Variants in PSMD4 observed in about 807,000 individuals in gnomAD.
The protein encoded by PSMD4 is 26S proteasome non-ATPase regulatory subunit 4.
In PSMD4, 5 loss-of-function variants were observed where a neutral mutation model predicts 39.7. The ratio of observed to expected loss-of-function variants is 0.13; its 90% CI spans 0.07 to 0.26. The LOEUF is 0.26. Among genes scored for constraint, PSMD4 ranks in the 10% least tolerant of loss-of-function variants. PSMD4 has a pLI of 1.00. For synonymous variants in PSMD4, 143 were observed against 174.6 expected (o/e 0.82, Z 1.43); for missense variants, 272 against 486.1 (o/e 0.56, Z 4.14).
chr1:151,267,087 C>T, intron 9 of PSMD4, 86 bp from the exon 10 acceptor site: 2 of 1,514,034 alleles, frequency 1.3e-6, no homozygotes, highest in African/African-American at 1.4e-5. Context: ...CAGGGGGCCT[C>T]TGGCAGCGGC....
chr1:151,265,119 C>T (rs753091565), intron 4 of PSMD4, 47 bp from the exon 5 acceptor site: 8 of 1,534,860 alleles, frequency 5.2e-6, no homozygotes, highest in South Asian at 1.2e-5. Flanking sequence ...CCTTTCCCCC[C>T]CTCGAGTATG....
intron 4 of PSMD4, 75 bp from the exon 5 acceptor site, chr1:151,265,091 T>C: frequency 7.2e-7 from 1 of 1,380,086 alleles, no homozygotes; most frequent in East Asian, 2.4e-5. Context: ...GATTTCTGTA[T>C]GCTTTTATGC....
chr1:151,260,355 G>T (rs958553942), intron 1 of PSMD4, among the ~76,000 whole-genome samples: 6 of 152,088 alleles, frequency 3.9e-5, no homozygotes, highest in African/African-American at 1.4e-4. Context: ...TCACTTACCT[G>T]CCTTCTTCTG....
intron 1 of PSMD4, among the ~76,000 whole-genome samples, chr1:151,261,189 T>C (rs1216183340): frequency 1.3e-5 from 2 of 148,692 alleles, no homozygotes; most frequent in Non-Finnish European, 3.0e-5. Flanking sequence ...TCTTTTTTTT[T>C]TTTTTTTTTT....
intron 1 of PSMD4, among the ~76,000 whole-genome samples, chr1:151,259,970 G>C (rs980840876): frequency 6.6e-6 from 1 of 152,056 alleles, no homozygotes; most frequent in Non-Finnish European, 1.5e-5. Context: ...AGATTGAGGT[G>C]GGTGGATCAC....
rs1245982303 is a variant in PSMD4, at chr1:151,256,700, G to A, written c.26+1892G>A. Among the ~76,000 whole-genome samples, 2 of 149,896 alleles carry A rather than the reference G, an allele frequency of 1.3e-5. 1 individual carries two copies. The highest frequency in any genetic ancestry group is 4.9e-5 in the African/African-American group (2 of 40,690). ...GATCCACCCGCCTCAGCCTCCCAAA[G>A]TGCAGGGATTACAGGCGTTGAGCCA... On this transcript the variant is annotated intron_variant, in intron 1 of 9. Coordinates refer to ENST00000368884, the MANE Select transcript of PSMD4 (RefSeq NM_002810.4).
chr1:151,259,833 G>A (rs587735790), intron 1 of PSMD4, among the ~76,000 whole-genome samples: 2 of 152,032 alleles, frequency 1.3e-5, no homozygotes, highest in South Asian at 2.1e-4. Flanking sequence ...CTCCCTTCTC[G>A]GCCTCCCAAA....
At chr1:151,265,105 G>A (rs1693398391) in intron 4 of PSMD4, 61 bp from the exon 5 acceptor site, 13 of 1,388,806 alleles carry the variant, frequency 9.4e-6, no homozygotes, top group South Asian at 5.0e-5. Flanking sequence ...TTTATGCGGC[G>A]GGTCCTTTCC....
Position 151,254,771 on chromosome 1 carries a change from GA to G in PSMD4, c.-10del. The G allele has an allele frequency of 6.4e-7, 1 of 1,563,324 alleles. No homozygotes were observed. The highest frequency in any genetic ancestry group is 8.7e-7 in the Non-Finnish European group (1 of 1,155,218). Reference sequence around the variant, plus strand: ...TCCCGGAGACCCGGTCGGGAGGGAGGAAGGTGGCAAGATGGTGTTGGAAAGC... The same window carrying G: ...TCCCGGAGACCCGGTCGGGAGGGAGGAGGTGGCAAGATGGTGTTGGAAAGC... On this transcript the variant is annotated 5_prime_UTR_variant, in exon 1 of 10. Transcript: ENST00000368884.
intron 1 of PSMD4, among the ~76,000 whole-genome samples, chr1:151,260,671 G>T (rs1451066195): frequency 2.6e-5 from 4 of 151,920 alleles, no homozygotes; most frequent in Non-Finnish European, 4.4e-5. Context: ...GAATAGCTGG[G>T]ATTACAGGTG....
chr1:151,266,743 G>A (rs1693458051), intron 9 of PSMD4, 156 bp downstream of exon 9: 2 of 957,520 alleles, frequency 2.1e-6, no homozygotes, highest in Admixed American at 2.1e-5. Flanking sequence ...TGCTAAGGTA[G>A]CAATGCTAAT....
chr1:151,258,953 C>T (rs1693248292), intron 1 of PSMD4: 1 of 152,150 alleles, frequency 6.6e-6, no homozygotes. Flanking sequence ...GTGGCTTACA[C>T]CTGTAATCCC....
At position 151,254,758 on chromosome 1, in the gene PSMD4, G is replaced by C; in HGVS notation, c.-25G>C. On this transcript the variant is annotated 5_prime_UTR_variant, in exon 1 of 10. Transcript: ENST00000368884. ...TGTTGTTAGGCCGTCCCGGAGACCC[G>C]GTCGGGAGGGAGGAAGGTGGCAAGA... The C allele has an allele frequency of 6.4e-7, 1 of 1,557,080 alleles. No individual in the cohort carries two copies. Among genetic ancestry groups the C allele is most frequent in the Non-Finnish European group, 8.7e-7 (1 of 1,151,630 alleles).
intron 1 of PSMD4, among the ~76,000 whole-genome samples, chr1:151,259,565 C>T (rs1489233455): frequency 6.6e-6 from 1 of 151,954 alleles, no homozygotes; most frequent in South Asian, 2.1e-4. Flanking sequence ...AAAAAATTGC[C>T]CCAGGCTCAC....
intron 9 of PSMD4, 135 bp from the exon 10 acceptor site, chr1:151,267,038 G>T: frequency 9.3e-7 from 1 of 1,070,640 alleles, no homozygotes. Flanking sequence ...CTTTCCTTAC[G>T]TCGACCAGAG....
At chr1:151,265,020 T>G in intron 4 of PSMD4, 102 bp downstream of exon 4, 1 of 1,338,538 alleles carries the variant, frequency 7.5e-7, no homozygotes, top group Non-Finnish European at 1.1e-6. Flanking sequence ...CTCATCACTT[T>G]GGGGAAAGGT....
At chr1:151,255,930 T>C (rs1389312433) in intron 1 of PSMD4, among the ~76,000 whole-genome samples, 1 of 152,156 alleles carries the variant, frequency 6.6e-6, no homozygotes, top group East Asian at 1.9e-4. Flanking sequence ...TTTTTAGTAA[T>C]AGCCATTCTG....
intron 1 of PSMD4, among the ~76,000 whole-genome samples, chr1:151,255,834 A>T (rs1015881943): frequency 6.6e-6 from 1 of 151,658 alleles, no homozygotes. Context: ...AGTGATTCCC[A>T]GTGATTGAAC....
intron 1 of PSMD4, among the ~76,000 whole-genome samples, chr1:151,261,141 C>T (rs1260280803): frequency 6.6e-6 from 1 of 150,714 alleles, no homozygotes; most frequent in Non-Finnish European, 1.5e-5. Context: ...GCATAAGTCA[C>T]TGTGCCCAGC....
Sources: allele counts gnomAD v4.1 joint callset (sites outside exome capture counted in the v4.1 genomes callset), GRCh38; gene constraint gnomAD v4.1.1; transcripts MANE v1.5; gene names NCBI Gene and HGNC (gene_info 2026-07-23, HGNC 2026-07-21).